ANTXR2: variants seen among roughly 807,000 people sequenced by gnomAD.
The protein encoded by ANTXR2 is anthrax toxin receptor 2.
In ANTXR2, 44 loss-of-function variants were observed where a neutral mutation model predicts 73.7. The ratio of observed to expected loss-of-function variants is 0.60; its 90% CI spans 0.47 to 0.77. ANTXR2 has a LOEUF of 0.77. Among genes scored for constraint, ANTXR2 ranks in the 30% least tolerant of loss-of-function variants. The pLI, the probability that ANTXR2 is intolerant of heterozygous loss-of-function variation, is 0.00. For synonymous variants in ANTXR2, 217 were observed against 205.9 expected (o/e 1.05, Z -0.46); for missense variants, 604 against 592.5 (o/e 1.02, Z -0.20).
chr4:80,017,296 C>T (rs892748580), intron 11 of ANTXR2, among the ~76,000 whole-genome samples: 9 of 152,206 alleles, frequency 5.9e-5, no homozygotes, highest in Non-Finnish European at 1.3e-4. Context: ...CTGTGTGGAG[C>T]ACTATTCCCT....
intron 16 of ANTXR2, among the ~76,000 whole-genome samples, chr4:79,928,067 T>G (rs1181272424): frequency 6.6e-6 from 1 of 152,216 alleles, no homozygotes; most frequent in Non-Finnish European, 1.5e-5. Context: ...ACACCCATAT[T>G]CATAGAAGCA....
At chr4:79,991,341 A>AT (rs756964620) in intron 12 of ANTXR2, among the ~76,000 whole-genome samples, 3 of 152,190 alleles carry the variant, frequency 2.0e-5, no homozygotes, top group Non-Finnish European at 2.9e-5. Context: ...CAACAAGCTT[A>AT]TAAAAAAATG....
rs1023978698 is a variant in ANTXR2, at chr4:79,901,469, T to C, written c.*5960A>G. On this transcript the variant is annotated 3_prime_UTR_variant, in exon 17 of 17. Transcript: ENST00000403729. ...TAAAATCACCTTGCCTTTTAGTTCA[T>C]GGAGACAATGCATATCTTTTTCATA... 2.6e-5 allele frequency: 4 copies of C among 151,044 alleles called. No homozygotes were observed. 9.4% of individuals were successfully genotyped at this position (151,044 alleles called of 1,614,324 possible).
intron 11 of ANTXR2, among the ~76,000 whole-genome samples, chr4:80,018,159 G>A (rs1295623622): frequency 6.6e-6 from 1 of 152,082 alleles, no homozygotes; most frequent in Non-Finnish European, 1.5e-5. Context: ...TTGGAGGGCA[G>A]GAATTTTTCT....
chr4:80,058,255 G>C (rs12509658), intron 3 of ANTXR2, among the ~76,000 whole-genome samples: 57,871 of 151,784 alleles, frequency 0.38, 12,704 homozygotes, highest in Non-Finnish European at 0.49. Flanking sequence ...TTTTTGTACA[G>C]TCAGGTATCT....
At chr4:79,948,168 T>G (rs1728581031) in intron 16 of ANTXR2, among the ~76,000 whole-genome samples, 1 of 152,148 alleles carries the variant, frequency 6.6e-6, no homozygotes, top group Admixed American at 6.6e-5. Context: ...AACTAACTTC[T>G]CATCAAAGCC....
intron 16 of ANTXR2, among the ~76,000 whole-genome samples, chr4:79,918,662 C>A (rs1727449072): frequency 6.6e-6 from 1 of 151,922 alleles, no homozygotes; most frequent in African/African-American, 2.4e-5. Flanking sequence ...GATCATTTAT[C>A]CACAATAGCT....
At position 80,069,461 on chromosome 4, in the gene ANTXR2, T is replaced by C; in HGVS notation, c.271A>G (p.Ile91Val). 6.2e-7 allele frequency: 1 copy of C among 1,605,610 alleles called. No homozygotes were observed. Among genetic ancestry groups the C allele is most frequent in the Admixed American group, 1.7e-5 (1 of 59,452 alleles). ...SFIVFSSQATIILPLTGDRGK... is the reference protein window; with the variant it reads ...SFIVFSSQATVILPLTGDRGK... ...CTGTCTCCAGTTAATGGCAAAATAA[T>C]AGTTGCTTGAGAAGAAAACACAATG... The change falls in exon 3 of 17, where the codon ATT (isoleucine) becomes GTT (valine). Residue 91 changes from isoleucine (I) to valine (V), a missense_variant. By Grantham distance (29) the Ile-to-Val change is conservative. Coordinates refer to ENST00000403729, the MANE Select transcript of ANTXR2 (RefSeq NM_058172.6).
At chr4:80,064,718 T>C (rs1329552041) in intron 3 of ANTXR2, among the ~76,000 whole-genome samples, 1 of 152,138 alleles carries the variant, frequency 6.6e-6, no homozygotes, top group Non-Finnish European at 1.5e-5. Flanking sequence ...GGGGCAGATC[T>C]GCAGCAAAGA....
At chr4:79,977,014 T>A (rs1469685944) in intron 16 of ANTXR2, among the ~76,000 whole-genome samples, 1 of 152,220 alleles carries the variant, frequency 6.6e-6, no homozygotes, top group Non-Finnish European at 1.5e-5. Context: ...ACTAGAGTAA[T>A]TGTAGCCATA....
chr4:80,062,087 G>T (rs577615446), intron 3 of ANTXR2, among the ~76,000 whole-genome samples: 1 of 152,242 alleles, frequency 6.6e-6, no homozygotes, highest in South Asian at 2.1e-4. Context: ...TCTTACTATA[G>T]TCTATGTAAA....
At chr4:80,002,006 T>C (rs986178850) in intron 12 of ANTXR2, among the ~76,000 whole-genome samples, 6 of 152,076 alleles carry the variant, frequency 3.9e-5, no homozygotes, top group Admixed American at 2.0e-4. Flanking sequence ...ATAGATTCAA[T>C]GCCATCCCCA....
chr4:79,992,616 A>T (rs1730526730), intron 12 of ANTXR2, among the ~76,000 whole-genome samples: 1 of 152,004 alleles, frequency 6.6e-6, no homozygotes, highest in Admixed American at 6.6e-5. Flanking sequence ...ATTTAAAATA[A>T]TAATAAAACA....
At chr4:79,963,030 C>T (rs763524475) in intron 16 of ANTXR2, among the ~76,000 whole-genome samples, 81 of 152,200 alleles carry the variant, frequency 5.3e-4, no homozygotes, top group Non-Finnish European at 9.1e-4. Flanking sequence ...GTGATGGGAA[C>T]ATAATGGCAG....
chr4:80,070,755 C>T (rs1327482463), intron 2 of ANTXR2, among the ~76,000 whole-genome samples: 1 of 152,032 alleles, frequency 6.6e-6, no homozygotes, highest in Non-Finnish European at 1.5e-5. Context: ...GCCTGTTTTA[C>T]AGAAAACATT....
rs1412991771 is a variant in ANTXR2 at position 79,903,234 on chromosome 4, T to G, written c.*4195A>C. The G allele has an allele frequency of 6.6e-6, 1 of 152,144 alleles. No individual in the cohort carries two copies. Among genetic ancestry groups the G allele is most frequent in the Non-Finnish European group, 1.5e-5 (1 of 68,054 alleles). The allele number at this position is 152,144 out of a possible 1,614,324, so 9.4% of individuals were successfully genotyped here. On this transcript the variant is annotated 3_prime_UTR_variant, in exon 17 of 17. Coordinates refer to ENST00000403729, the MANE Select transcript of ANTXR2 (RefSeq NM_058172.6). Reference sequence around the variant, plus strand: ...TTCAGTCTATGGTTGAGAGTTGATCTGTTCAACATCAGCAAGCTAGTTGAT... The same window carrying G: ...TTCAGTCTATGGTTGAGAGTTGATCGGTTCAACATCAGCAAGCTAGTTGAT...
chr4:79,978,203 C>T (rs754472499), intron 14 of ANTXR2, 29 bp from the exon 15 acceptor site: 1 of 1,608,292 alleles, frequency 6.2e-7, no homozygotes, highest in South Asian at 1.1e-5. Context: ...GTACTGTTAT[C>T]AGACATAAAG....
chr4:80,040,606 A>C (rs1226818382), intron 7 of ANTXR2, among the ~76,000 whole-genome samples: 1 of 152,072 alleles, frequency 6.6e-6, no homozygotes, highest in African/African-American at 2.4e-5. Flanking sequence ...TATTAGAGAG[A>C]GCTAACAGCA....
At chr4:79,975,618 G>A (rs563494817) in intron 16 of ANTXR2, among the ~76,000 whole-genome samples, 2 of 152,250 alleles carry the variant, frequency 1.3e-5, no homozygotes, top group African/African-American at 4.8e-5. Context: ...AAATAAACTA[G>A]TGTCTAACCT....
Sources: gnomAD v4.1 joint callset for allele counts (sites outside exome capture counted in the v4.1 genomes callset) on GRCh38, gnomAD v4.1.1 for gene constraint, MANE v1.5 for transcripts, NCBI Gene and HGNC (gene_info 2026-07-23, HGNC 2026-07-21) for gene names.